TPTE2: variants seen among roughly 807,000 people sequenced by gnomAD.
The protein encoded by TPTE2 is phosphatidylinositol 3,4,5-trisphosphate 3-phosphatase TPTE2.
Under a neutral mutation model 78.6 loss-of-function variants are expected in TPTE2, and 53 were observed. The observed-to-expected ratio is 0.67, with a 90% CI of 0.54 to 0.85. The LOEUF (loss-of-function observed/expected upper bound fraction) is 0.85. TPTE2 is among the 40% of genes least tolerant of loss of function. The pLI, the probability that TPTE2 is intolerant of heterozygous loss-of-function variation, is 0.00. For missense variants in TPTE2, 461 were observed against 623.0 expected (o/e 0.74, Z 2.77); for synonymous variants, 175 against 206.2 (o/e 0.85, Z 1.30).
exon 4 of TPTE2, chr13:19,482,519 C>T: frequency 6.2e-7 from 1 of 1,612,418 alleles, no homozygotes; most frequent in East Asian, 2.2e-5. Flanking sequence ...GCATCTTCAA[C>T]TTCAAACTTG....
chr13:19,438,077 G>A lies in TPTE2; in HGVS notation c.1035+15C>T, dbSNP rs1877233602. On this transcript the variant is annotated intron_variant, in intron 14 of 19. Coordinates refer to ENST00000400230, the Ensembl canonical transcript of TPTE2. ...CAATCATCATAAGAGAAAGTTTGTA[G>A]AACATCTTTCATACCTCGGCAGTTA... 1.9e-6 allele frequency: 3 copies of A among 1,602,078 alleles called. No homozygotes were observed. The highest frequency in any genetic ancestry group is 1.7e-5 in the Admixed American group (1 of 59,280).
intron 10 of TPTE2, among the ~76,000 whole-genome samples, chr13:19,452,889 G>A (rs1302566926): frequency 1.3e-5 from 2 of 151,778 alleles, no homozygotes; most frequent in African/African-American, 4.8e-5. Flanking sequence ...AACATTAGAG[G>A]TTAATCATAG....
At chr13:19,551,047 G>C in the TPTE2 span, among the ~76,000 whole-genome samples, 1 of 152,134 alleles carries the variant, frequency 6.6e-6, no homozygotes, top group Non-Finnish European at 1.5e-5. Context: ...TGTTGTAAGA[G>C]TAGACCAAAT....
chr13:19,429,686 G>A (rs371904804), intron 17 of TPTE2, among the ~76,000 whole-genome samples: 13 of 152,286 alleles, frequency 8.5e-5, no homozygotes, highest in African/African-American at 2.4e-4. Context: ...CAAAAAAGCC[G>A]GGGGCAGAGT....
At chr13:19,502,615 A>G (rs1331638049) in intron 1 of TPTE2, among the ~76,000 whole-genome samples, 2 of 133,046 alleles carry the variant, frequency 1.5e-5, no homozygotes, top group Non-Finnish European at 3.1e-5. Context: ...ACATGGACAC[A>G]GGAAGGGGAA....
chr13:19,466,018 C>A (rs1879249934), intron 7 of TPTE2, among the ~76,000 whole-genome samples: 1 of 152,134 alleles, frequency 6.6e-6, no homozygotes, highest in Non-Finnish European at 1.5e-5. Flanking sequence ...CTTTGTTATT[C>A]CCATGAGTAA....
chr13:19,487,860 A>C (rs1880752525), intron 3 of TPTE2, among the ~76,000 whole-genome samples: 1 of 152,180 alleles, frequency 6.6e-6, no homozygotes, highest in African/African-American at 2.4e-5. Flanking sequence ...CAGGACATGC[A>C]GCTTTGTCAA....
At chr13:19,553,000 A>G in the TPTE2 span, among the ~76,000 whole-genome samples, 1 of 151,510 alleles carries the variant, frequency 6.6e-6, no homozygotes, top group East Asian at 1.9e-4. Flanking sequence ...TATGAATGTG[A>G]ATGTTTTTTG....
upstream of TPTE2, among the ~76,000 whole-genome samples, chr13:19,541,179 AGGT>A (rs1871427311): frequency 2.6e-5 from 4 of 152,330 alleles, no homozygotes; most frequent in African/African-American, 9.6e-5. Context: ...GTTTCTTGCC[AGGT>A]GGCTCATTCA....
At chr13:19,517,866 G>C (rs1275640525) in intron 1 of TPTE2, among the ~76,000 whole-genome samples, 1 of 152,142 alleles carries the variant, frequency 6.6e-6, no homozygotes, top group Non-Finnish European at 1.5e-5. Flanking sequence ...TGGGGTGGGG[G>C]AGAATGTACC....
chr13:19,497,239 G>C (rs1038813411), intron 1 of TPTE2, among the ~76,000 whole-genome samples: 1 of 145,768 alleles, frequency 6.9e-6, no homozygotes, highest in Non-Finnish European at 1.5e-5. Context: ...GCCCGACATT[G>C]CCCAGGCTTG....
intron 16 of TPTE2, among the ~76,000 whole-genome samples, chr13:19,431,371 C>G (rs1394509123): frequency 5.3e-5 from 8 of 152,074 alleles, no homozygotes; most frequent in Admixed American, 5.2e-4. Flanking sequence ...AAAGGCTCTT[C>G]TGTTCCTTTT....
chr13:19,509,913 T>C (rs1869318055), intron 1 of TPTE2, among the ~76,000 whole-genome samples: 1 of 152,032 alleles, frequency 6.6e-6, no homozygotes, highest in Non-Finnish European at 1.5e-5. Flanking sequence ...GGGAGAAAAA[T>C]GAAACCAAAT....
chr13:19,560,424 A>C, the TPTE2 span: 2 of 1,609,108 alleles, frequency 1.2e-6, no homozygotes, highest in Non-Finnish European at 1.7e-6. Context: ...CTAAGTCCTC[A>C]GCGAAGGCCA....
chr13:19,508,730 A>C (rs1313220699), intron 1 of TPTE2, among the ~76,000 whole-genome samples: 2 of 152,184 alleles, frequency 1.3e-5, no homozygotes, highest in Non-Finnish European at 2.9e-5. Context: ...TCTAAGAAGA[A>C]ATGAAAACTA....
At chr13:19,427,152 CG>C (rs1407243292) in intron 17 of TPTE2, among the ~76,000 whole-genome samples, 3 of 124,666 alleles carry the variant, frequency 2.4e-5, no homozygotes, top group African/African-American at 9.8e-5. Context: ...GGCATGATCT[CG>C]GCTCACTGCC....
At chr13:19,441,897 T>G (rs1039506806) in intron 13 of TPTE2, among the ~76,000 whole-genome samples, 26 of 152,256 alleles carry the variant, frequency 1.7e-4, no homozygotes, top group Admixed American at 5.9e-4. Flanking sequence ...AGGCTCAACA[T>G]AAACAAAAAT....
intron 3 of TPTE2, among the ~76,000 whole-genome samples, chr13:19,488,189 C>T (rs1004946840): frequency 3.3e-5 from 5 of 152,118 alleles, no homozygotes; most frequent in African/African-American, 1.2e-4. Context: ...GGTTTTTTCT[C>T]GTAGGGGAGA....
chr13:19,550,240 G>A, the TPTE2 span, among the ~76,000 whole-genome samples: 1 of 152,078 alleles, frequency 6.6e-6, no homozygotes, highest in Non-Finnish European at 1.5e-5. Context: ...ATTAAAAAGT[G>A]AAAATTTAAC....
Sources: gnomAD v4.1 joint callset for allele counts (sites outside exome capture counted in the v4.1 genomes callset) on GRCh38, gnomAD v4.1.1 for gene constraint, MANE v1.5 for transcripts, NCBI Gene and HGNC (gene_info 2026-07-23, HGNC 2026-07-21) for gene names.